The following LEPR variants were observed in gnomAD, a reference collection of about 807,000 sequenced individuals.
LEPR encodes the protein OB receptor.
LEPR carries 56 observed loss-of-function variants against 114.7 expected under a neutral mutation model. The observed-to-expected ratio is 0.49, with a 90% CI of 0.39 to 0.61. The LOEUF is 0.61. LEPR is among the 20% of genes least tolerant of loss of function. The pLI is 0.00. For synonymous variants in LEPR, 443 were observed against 461.4 expected, an observed-to-expected ratio of 0.96 and a Z score of 0.51; for missense variants, 1,202 against 1,352.9, an observed-to-expected ratio of 0.89 and a Z score of 1.75.
At chr1:65,432,499 C>A in intron 2 of LEPR, 1 of 625,780 alleles carries the variant, frequency 1.6e-6, no homozygotes, top group Non-Finnish European at 2.0e-6. Context: ...AAACATCACA[C>A]CCAACTTCCT....
chr1:65,424,219 ATATTT>A (rs1646313119), intron 1 of LEPR, among the ~76,000 whole-genome samples: 2 of 152,374 alleles, frequency 1.3e-5, no homozygotes, highest in Admixed American at 1.3e-4. Context: ...CAGGGAATAC[ATATTT>A]TATTCAGTGC....
chr1:65,551,532 A>G (rs1652357955), intron 2 of LEPR, among the ~76,000 whole-genome samples: 1 of 152,036 alleles, frequency 6.6e-6, no homozygotes, highest in Admixed American at 6.6e-5. Context: ...GGTAGTTTGT[A>G]TTTCTGTGGG....
chr1:65,608,299 C>T (rs10399687), intron 11 of LEPR, among the ~76,000 whole-genome samples: 26,386 of 151,086 alleles, frequency 0.17, 2,459 homozygotes, highest in Middle Eastern at 0.25. Flanking sequence ...GGCGCAATCT[C>T]GGCTCACTGC....
intron 4 of LEPR, 37 bp from the exon 5 acceptor site, chr1:65,572,289 T>TG (rs1264414521): frequency 2.1e-6 from 3 of 1,417,750 alleles, no homozygotes; most frequent in Admixed American, 2.7e-5. Flanking sequence ...TTCATGTAGT[T>TG]GTTTTTTTTT....
intron 3 of LEPR, among the ~76,000 whole-genome samples, chr1:65,568,753 G>A (rs1014761818): frequency 6.6e-6 from 1 of 152,100 alleles, no homozygotes; most frequent in Non-Finnish European, 1.5e-5. Flanking sequence ...TCTACACATT[G>A]TTTTCCATAG....
chr1:65,425,037 T>C (rs1646332147), intron 1 of LEPR, among the ~76,000 whole-genome samples: 1 of 152,238 alleles, frequency 6.6e-6, no homozygotes, highest in Non-Finnish European at 1.5e-5. Context: ...TGGGACCTTT[T>C]TTTCTTTCTT....
At chr1:65,472,647 C>CAT (rs200655862) in intron 2 of LEPR, among the ~76,000 whole-genome samples, 1 of 144,534 alleles carries the variant, frequency 6.9e-6, no homozygotes, top group Non-Finnish European at 1.5e-5. Flanking sequence ...CACACACACA[C>CAT]ATATATTTCT....
rs1357517142 is a variant in LEPR at position 65,634,532 on chromosome 1, ATATGAG to A, written c.2674-1652_2674-1647del. 13 of 941,110 alleles carry A rather than the reference ATATGAG, an allele frequency of 1.4e-5. No individual in the cohort carries two copies. In the African/African-American group the frequency reaches 1.8e-4, roughly 13 times the overall value. 58.3% of individuals were successfully genotyped at this position (941,110 alleles called of 1,614,324 possible). Reference sequence around the variant, plus strand: ...CACTGACAAAACATATTTCAATAGTATATGAGTATGAGATTTCTTATCAATTATGAG... The same window carrying A: ...CACTGACAAAACATATTTCAATAGTATATGAGATTTCTTATCAATTATGAG... On this transcript the variant is annotated intron_variant, in intron 19 of 19. Coordinates refer to ENST00000349533, the MANE Select transcript of LEPR (RefSeq NM_002303.6).
chr1:65,477,887 C>A (rs1647176544), intron 2 of LEPR, among the ~76,000 whole-genome samples: 1 of 152,140 alleles, frequency 6.6e-6, no homozygotes, highest in African/African-American at 2.4e-5. Context: ...AGTCATTTCC[C>A]ACAGCTCTTC....
intron 2 of LEPR, among the ~76,000 whole-genome samples, chr1:65,452,063 G>A (rs1369320758): frequency 5.9e-4 from 80 of 135,294 alleles, no homozygotes; most frequent in East Asian, 3.0e-3. Context: ...GTTCACTCAT[G>A]ATTTGGCTGT....
chr1:65,540,322 C>T (rs540671327), intron 2 of LEPR, among the ~76,000 whole-genome samples: 4 of 152,228 alleles, frequency 2.6e-5, no homozygotes, highest in Admixed American at 6.5e-5. Flanking sequence ...CCAAATCTCA[C>T]GTTGAAATGT....
chr1:65,611,900 GCTAT>G (rs1657192356), intron 14 of LEPR, among the ~76,000 whole-genome samples: 1 of 152,182 alleles, frequency 6.6e-6, no homozygotes, highest in Non-Finnish European at 1.5e-5. Context: ...GTGGCCAGTG[GCTAT>G]CTTTTTGGAC....
intron 2 of LEPR, among the ~76,000 whole-genome samples, chr1:65,488,666 A>G (rs569578533): frequency 1.3e-5 from 2 of 151,952 alleles, no homozygotes; most frequent in Admixed American, 6.6e-5. Context: ...ATTGTTGACT[A>G]TAGTCACCCT....
Position 65,621,301 on chromosome 1 carries a change from A to C in LEPR, c.2492-52A>C, listed in dbSNP as rs1487063363. 12 of 1,503,904 alleles carry C rather than the reference A, an allele frequency of 8.0e-6. No individual in the cohort carries two copies. The African/African-American group carries it at 1.7e-4, about 21-fold the overall frequency. The allele number at this position is 1,503,904 out of a possible 1,614,324, so 93.2% of individuals were successfully genotyped here. ...TACTATAATTTTTGATACAGAAAGA[A>C]ATTAATATTTCCTCAAGTTTCTGAG... On this transcript the variant is annotated intron_variant, in intron 17 of 19. Transcript: ENST00000349533.
intron 2 of LEPR, among the ~76,000 whole-genome samples, chr1:65,537,950 A>G (rs1165901762): frequency 6.6e-6 from 1 of 152,182 alleles, no homozygotes; most frequent in Non-Finnish European, 1.5e-5. Context: ...AATCAAAGTT[A>G]AGGAGATTCT....
intron 2 of LEPR, among the ~76,000 whole-genome samples, chr1:65,495,242 C>T (rs1465749665): frequency 6.6e-6 from 1 of 151,686 alleles, no homozygotes; most frequent in Non-Finnish European, 1.5e-5. Flanking sequence ...CCCAAAAGAC[C>T]TAAATAGACA....
chr1:65,556,606 A>G (rs1652831703), intron 2 of LEPR, among the ~76,000 whole-genome samples: 1 of 152,154 alleles, frequency 6.6e-6, no homozygotes, highest in Non-Finnish European at 1.5e-5. Context: ...AAGAATCACC[A>G]TTTTGAAATC....
chr1:65,442,724 T>G (rs980549747), intron 2 of LEPR, among the ~76,000 whole-genome samples: 1 of 152,164 alleles, frequency 6.6e-6, no homozygotes, highest in Non-Finnish European at 1.5e-5. Context: ...ATGATATACC[T>G]CAATAAAAAT....
chr1:65,622,906 A>T lies in LEPR; in HGVS notation c.2598A>T (p.Arg866Ser). Residue 866 changes from arginine (R) to serine (S), a missense_variant and splice_region_variant, in exon 19 of 20, where the codon AGA becomes AGT. Transcript: ENST00000349533. ...TTGATGCCCTGTTTATCCTTTGTAG[A>T]ATGAAAAAGCTATTTTGGGAAGATG... ...LLGTLLISHQ[R>S]MKKLFWEDVP... 1 of 1,613,950 alleles carries T rather than the reference A, an allele frequency of 6.2e-7. No individual in the cohort carries two copies. Among genetic ancestry groups the T allele is most frequent in the Non-Finnish European group, 8.5e-7 (1 of 1,179,918 alleles).
Sources: gnomAD v4.1 joint callset for allele counts (sites outside exome capture counted in the v4.1 genomes callset) on GRCh38, gnomAD v4.1.1 for gene constraint, MANE v1.5 for transcripts, NCBI Gene and HGNC (gene_info 2026-07-23, HGNC 2026-07-21) for gene names.